Variants in MYRIP observed in about 807,000 individuals in gnomAD.
The protein encoded by MYRIP is rab effector MyRIP.
MYRIP carries 49 observed loss-of-function variants against 98.0 expected under a neutral mutation model. That is an observed-to-expected ratio of 0.50 (90% CI 0.40 to 0.63). The LOEUF (loss-of-function observed/expected upper bound fraction) is 0.63. Ranked by LOEUF, MYRIP falls within the 30% of genes least tolerant of loss-of-function variation. MYRIP has a pLI of 0.00. For synonymous variants in MYRIP, 404 were observed against 409.5 expected (o/e 0.99, Z 0.16); for missense variants, 1,004 against 1,058.2 (o/e 0.95, Z 0.71).
At position 40,212,241 on chromosome 3, in the gene MYRIP, C is replaced by CAT. The variant is rs1164328133; in HGVS notation, c.1905+2149_1905+2150insTA. Among the ~76,000 whole-genome samples the CAT allele has an allele frequency of 4.4e-4, 8 of 18,304 alleles. 1 individual carries two copies. Among genetic ancestry groups the CAT allele is most frequent in the Admixed American group, 2.0e-3 (2 of 1,002 alleles). The allele number at this position is 18,304 out of a possible 152,430, so 12.0% of individuals were successfully genotyped here. On this transcript the variant is annotated intron_variant, in intron 11 of 16. Transcript: ENST00000302541. ...ATATATATATACACACACACACACA[C>CAT]ACACATATATATATATACACGTATA...
intron 1 of MYRIP, among the ~76,000 whole-genome samples, chr3:39,891,442 C>A (rs1217578460): frequency 6.6e-6 from 1 of 151,862 alleles, no homozygotes; most frequent in African/African-American, 2.4e-5. Flanking sequence ...ATAGGTGTAC[C>A]ACATTTAATG....
chr3:40,008,219 C>T (rs1575460457), intron 2 of MYRIP, among the ~76,000 whole-genome samples: 2 of 152,254 alleles, frequency 1.3e-5, no homozygotes, highest in Non-Finnish European at 2.9e-5. Flanking sequence ...TACAAGGTAG[C>T]ATTTCCATAT....
intron 3 of MYRIP, among the ~76,000 whole-genome samples, chr3:40,124,901 T>A (rs1223506733): frequency 2.0e-5 from 3 of 152,212 alleles, no homozygotes; most frequent in Non-Finnish European, 4.4e-5. Flanking sequence ...GTTCCTTTCT[T>A]TTTTCAATTG....
intron 3 of MYRIP, among the ~76,000 whole-genome samples, chr3:40,125,043 A>G (rs1430158248): frequency 6.6e-6 from 1 of 152,188 alleles, no homozygotes; most frequent in Non-Finnish European, 1.5e-5. Context: ...CTTGCCCCAC[A>G]GGGTTGTTGC....
At chr3:40,219,723 C>G (rs1464746137) in intron 11 of MYRIP, among the ~76,000 whole-genome samples, 9 of 152,106 alleles carry the variant, frequency 5.9e-5, no homozygotes, top group Admixed American at 6.5e-5. Flanking sequence ...TTTTCTTAAT[C>G]CAGTCTATCG....
At chr3:39,956,590 T>C (rs931090693) in intron 2 of MYRIP, among the ~76,000 whole-genome samples, 2 of 152,024 alleles carry the variant, frequency 1.3e-5, no homozygotes, top group Admixed American at 1.3e-4. Context: ...AGATCTAAAA[T>C]GGACACCCCA....
rs374197927 is a variant in MYRIP, at chr3:40,151,117, T to C, written c.402T>C (p.Ser134=). 2.9e-5 allele frequency: 46 copies of C among 1,611,438 alleles called. No individual in the cohort carries two copies. The highest frequency in any genetic ancestry group is 3.8e-5 in the Non-Finnish European group (45 of 1,178,806). Residue 134 remains serine, a synonymous_variant, in exon 4 of 17, where the codon AGT becomes AGC. Transcript: ENST00000302541. ...NVKSRFKRFG[S]AKVLKNLYRK... ...AGAGCCGCTTCAAGCGCTTTGGCAGTGCCAAGGTTCTGAAGAACCTGTACA... is the reference window on the plus strand; with the variant it reads ...AGAGCCGCTTCAAGCGCTTTGGCAGCGCCAAGGTTCTGAAGAACCTGTACA...
rs79731804 is a variant in MYRIP at position 40,241,551 on chromosome 3, A to G, written c.2101-2895A>G. On this transcript the variant is annotated intron_variant, in intron 12 of 16. Coordinates refer to ENST00000302541, the MANE Select transcript of MYRIP (RefSeq NM_015460.4). ...TTGCACACTCTTTCTAGGAAAATTG[A>G]GATACATATTAGTACATTAAAGCCT... Among the ~76,000 whole-genome samples the G allele has an allele frequency of 1.7e-4, 26 of 152,334 alleles. No individual in the cohort carries two copies. The East Asian group carries it at 4.8e-3, about 28-fold the overall frequency.
intron 1 of MYRIP, among the ~76,000 whole-genome samples, chr3:39,886,144 A>T (rs1442558815): frequency 6.6e-6 from 1 of 151,790 alleles, no homozygotes; most frequent in Non-Finnish European, 1.5e-5. Context: ...ATGCTGAGAG[A>T]TTTTGTCACC....
chr3:39,999,488 C>G (rs898596860), intron 2 of MYRIP, among the ~76,000 whole-genome samples: 21 of 152,156 alleles, frequency 1.4e-4, no homozygotes, highest in Non-Finnish European at 2.5e-4. Flanking sequence ...CCATCTCACA[C>G]CAGTTAGAAT....
chr3:39,903,696 C>G (rs1213733559), intron 2 of MYRIP, among the ~76,000 whole-genome samples: 1 of 152,276 alleles, frequency 6.6e-6, no homozygotes, highest in East Asian at 1.9e-4. Flanking sequence ...TGATTCCTCA[C>G]TAAAGTCACT....
chr3:40,194,320 C>T (rs1025340845), intron 10 of MYRIP, among the ~76,000 whole-genome samples: 6 of 151,968 alleles, frequency 3.9e-5, no homozygotes, highest in South Asian at 2.1e-4. Context: ...ATCATTTATC[C>T]GCTGGTTTCA....
intron 1 of MYRIP, among the ~76,000 whole-genome samples, chr3:39,878,034 C>T (rs1312151406): frequency 3.3e-5 from 5 of 152,228 alleles, no homozygotes. Flanking sequence ...TTTACCTAAG[C>T]AAGCCTGGGC....
chr3:40,210,356 A>G (rs1164324587), intron 11 of MYRIP, among the ~76,000 whole-genome samples: 2 of 152,182 alleles, frequency 1.3e-5, no homozygotes, highest in African/African-American at 2.4e-5. Context: ...CTTTGAGTCT[A>G]TGATTTAGTG....
chr3:39,958,412 A>T (rs1299447449), intron 2 of MYRIP, among the ~76,000 whole-genome samples: 1 of 152,210 alleles, frequency 6.6e-6, no homozygotes, highest in Non-Finnish European at 1.5e-5. Flanking sequence ...AAACCTGAGA[A>T]AAACAAGCAA....
At chr3:40,002,769 C>T (rs1171236611) in intron 2 of MYRIP, among the ~76,000 whole-genome samples, 1 of 151,956 alleles carries the variant, frequency 6.6e-6, no homozygotes, top group Non-Finnish European at 1.5e-5. Flanking sequence ...CATATATGTA[C>T]ATATAGGTAT....
chr3:39,824,184 G>C (rs1310544362), intron 1 of MYRIP, among the ~76,000 whole-genome samples: 1 of 152,006 alleles, frequency 6.6e-6, no homozygotes, highest in Non-Finnish European at 1.5e-5. Flanking sequence ...TAATTTCTGG[G>C]TTCCTTATTC....
intron 3 of MYRIP, among the ~76,000 whole-genome samples, chr3:40,105,096 C>T (rs1004012451): frequency 6.6e-6 from 1 of 152,074 alleles, no homozygotes; most frequent in Non-Finnish European, 1.5e-5. Context: ...TTTTAGGCAT[C>T]ATCTATTACT....
chr3:39,926,156 C>G (rs952015714), intron 2 of MYRIP, among the ~76,000 whole-genome samples: 4 of 151,894 alleles, frequency 2.6e-5, no homozygotes, highest in Non-Finnish European at 5.9e-5. Context: ...CTATTCATGT[C>G]CTTTGCCCAG....
Sources: allele counts gnomAD v4.1 joint callset (sites outside exome capture counted in the v4.1 genomes callset), GRCh38; gene constraint gnomAD v4.1.1; transcripts MANE v1.5; gene names NCBI Gene and HGNC (gene_info 2026-07-23, HGNC 2026-07-21).